Variants in JMJD1C observed in about 807,000 individuals in gnomAD.
JMJD1C encodes jumonji domain containing 1C.
A neutral mutation model predicts 245.3 loss-of-function variants in JMJD1C; 31 were observed. That is an observed-to-expected ratio of 0.13 (90% CI 0.09 to 0.17). The LOEUF (loss-of-function observed/expected upper bound fraction) is 0.17. Among genes scored for constraint, JMJD1C ranks in the 10% least tolerant of loss-of-function variants. The probability of loss-of-function intolerance (pLI) is 1.00; values close to 1 mark genes in which losing one functional copy is unlikely to be tolerated. For synonymous variants in JMJD1C, 1,057 were observed against 1,017.4 expected (o/e 1.04, Z -0.74); for missense variants, 2,691 against 3,000.2 (o/e 0.90, Z 2.41).
chr10:63,390,812 C>T (rs1011344000), intron 1 of JMJD1C, among the ~76,000 whole-genome samples: 2 of 152,082 alleles, frequency 1.3e-5, no homozygotes, highest in African/African-American at 4.8e-5. Context: ...ATAATAAAAA[C>T]TCTCAACATT....
chr10:63,296,937 G>T (rs557330035), intron 2 of JMJD1C, among the ~76,000 whole-genome samples: 156 of 152,150 alleles, frequency 1.0e-3, no homozygotes, highest in Non-Finnish European at 1.8e-3. Flanking sequence ...CATAAATCAG[G>T]TTACACATTT....
chr10:63,386,911 G>A lies in JMJD1C; in HGVS notation c.169-6429C>T, dbSNP rs562642664. 2.2e-3 allele frequency among the ~76,000 whole-genome samples: 328 copies of A among 152,284 alleles called. 4 individuals are homozygous for A. The highest frequency in any genetic ancestry group is 7.7e-3 in the African/African-American group (318 of 41,548). ...CTCTGGTGGCAGCATACGCCACACT[G>A]AAGCCCCAAAACAGACATGATCTTC... is the stretch of plus-strand genomic sequence containing the variant. On this transcript the variant is annotated intron_variant, in intron 1 of 25. Coordinates refer to ENST00000399262, the MANE Select transcript of JMJD1C (RefSeq NM_032776.3).
intron 3 of JMJD1C, among the ~76,000 whole-genome samples, chr10:63,256,799 T>C (rs994799418): frequency 6.6e-6 from 1 of 152,214 alleles, no homozygotes; most frequent in Non-Finnish European, 1.5e-5. Context: ...ACTGATTTTA[T>C]GTCAACAAGG....
intron 1 of JMJD1C, among the ~76,000 whole-genome samples, chr10:63,464,447 A>C (rs1953037514): frequency 6.6e-6 from 1 of 151,918 alleles, no homozygotes; most frequent in Non-Finnish European, 1.5e-5. Flanking sequence ...AGGGAAAAAA[A>C]TTTCCTAAAT....
intron 2 of JMJD1C, among the ~76,000 whole-genome samples, chr10:63,316,784 T>C (rs1431017140): frequency 1.3e-5 from 2 of 152,196 alleles, no homozygotes; most frequent in Admixed American, 6.5e-5. Flanking sequence ...TGTGGTATTC[T>C]GCTACATGCA....
At chr10:63,469,038 A>T (rs1165472863), upstream of JMJD1C, among the ~76,000 whole-genome samples, 3 of 152,232 alleles carry the variant, frequency 2.0e-5, no homozygotes, top group Non-Finnish European at 4.4e-5. Flanking sequence ...TATTCACTGC[A>T]ATAAGAACCA....
At chr10:63,347,000 T>C (rs1447929166) in intron 2 of JMJD1C, among the ~76,000 whole-genome samples, 1 of 151,954 alleles carries the variant, frequency 6.6e-6, no homozygotes, top group Middle Eastern at 3.2e-3. Context: ...AAAAGTAAAG[T>C]TGGCCCCTCA....
In JMJD1C at chr10:63,208,426, C is replaced by T; in HGVS notation, c.3243G>A (p.Lys1081=). 8 of 1,613,868 alleles carry T rather than the reference C, an allele frequency of 5.0e-6. No individual in the cohort carries two copies. Among genetic ancestry groups the T allele is most frequent in the Non-Finnish European group, 6.8e-6 (8 of 1,179,924 alleles). ...ERSVSDLYKM[K]HSVPQSLPQS... ...GGGGTAAACTCTGAGGCACTGAGTGCTTCATTTTATAAAGATCTGATACTG... is the reference window on the plus strand; with the variant it reads ...GGGGTAAACTCTGAGGCACTGAGTGTTTCATTTTATAAAGATCTGATACTG... The change falls in exon 10 of 26, where the codon AAG becomes AAA. Residue 1081 remains lysine, a synonymous_variant. Transcript: ENST00000399262.
intron 5 of JMJD1C, among the ~76,000 whole-genome samples, chr10:63,216,078 A>G (rs993641076): frequency 3.3e-5 from 5 of 152,218 alleles, no homozygotes; most frequent in African/African-American, 4.8e-5. Flanking sequence ...GAAAAAGACA[A>G]AAATTGTGCA....
intron 1 of JMJD1C, among the ~76,000 whole-genome samples, chr10:63,454,144 CT>C (rs1196187587): frequency 6.6e-6 from 1 of 152,132 alleles, no homozygotes; most frequent in Non-Finnish European, 1.5e-5. Context: ...CACATCTACA[CT>C]TTTTGCAATG....
intron 3 of JMJD1C, among the ~76,000 whole-genome samples, chr10:63,226,042 A>G (rs1361195258): frequency 1.3e-5 from 2 of 149,894 alleles, no homozygotes; most frequent in East Asian, 4.0e-4. Context: ...AAGAAATGAA[A>G]GTTTACTATT....
chr10:63,363,397 T>C (rs1175260858), intron 2 of JMJD1C, among the ~76,000 whole-genome samples: 2 of 151,882 alleles, frequency 1.3e-5, no homozygotes, highest in Non-Finnish European at 2.9e-5. Flanking sequence ...TAGCTGGGAT[T>C]AGAGATGCAT....
intron 1 of JMJD1C, among the ~76,000 whole-genome samples, chr10:63,462,890 T>C (rs1365753495): frequency 1.3e-5 from 2 of 152,176 alleles, no homozygotes; most frequent in African/African-American, 2.4e-5. Context: ...TAAACAATTA[T>C]AGAAATTTAA....
At chr10:63,520,970 C>T (rs1367814604) in intron 1 of JMJD1C, among the ~76,000 whole-genome samples, 2 of 152,214 alleles carry the variant, frequency 1.3e-5, no homozygotes, top group Non-Finnish European at 2.9e-5. Flanking sequence ...GCCAGGCACA[C>T]CTCAAAGTCT....
intron 1 of JMJD1C, among the ~76,000 whole-genome samples, chr10:63,422,957 CTT>C (rs34111309): frequency 2.0e-5 from 3 of 147,022 alleles, no homozygotes; most frequent in Non-Finnish European, 3.0e-5. Flanking sequence ...GTTACCAAAA[CTT>C]TTTTTTTTTC....
chr10:63,377,094 AAAGG>A (rs780285571), intron 2 of JMJD1C, among the ~76,000 whole-genome samples: 1 of 152,226 alleles, frequency 6.6e-6, no homozygotes, highest in African/African-American at 2.4e-5. Context: ...TTTGCAATAA[AAAGG>A]AAGAAAATTG....
chr10:63,377,080 T>C (rs1946801168), intron 2 of JMJD1C, among the ~76,000 whole-genome samples: 1 of 152,224 alleles, frequency 6.6e-6, no homozygotes, highest in African/African-American at 2.4e-5. Flanking sequence ...CAATGGAATG[T>C]TATTTTGCAA....
intron 1 of JMJD1C, among the ~76,000 whole-genome samples, chr10:63,457,195 A>G (rs866190386): frequency 2.6e-5 from 4 of 152,180 alleles, no homozygotes; most frequent in Non-Finnish European, 5.9e-5. Flanking sequence ...AAGAATGGAG[A>G]CGGGAAAGCA....
chr10:63,167,247 G>A lies in JMJD1C; in HGVS notation c.*798C>T, dbSNP rs1332020236. On this transcript the variant is annotated 3_prime_UTR_variant, in exon 26 of 26. Coordinates refer to ENST00000399262, the MANE Select transcript of JMJD1C (RefSeq NM_032776.3). Reference sequence around the variant, plus strand: ...CAATTTTTGATAAAGTCCTTTTAATGGAAAATGTAAAACCCCTTTCAACTT... The same window carrying A: ...CAATTTTTGATAAAGTCCTTTTAATAGAAAATGTAAAACCCCTTTCAACTT... 1 of 152,424 alleles carries A rather than the reference G, an allele frequency of 6.6e-6. No homozygotes were observed. The highest frequency in any genetic ancestry group is 1.5e-5 in the Non-Finnish European group (1 of 68,008). The allele number at this position is 152,424 out of a possible 1,614,324, so 9.4% of individuals were successfully genotyped here.
Sources: allele counts gnomAD v4.1 joint callset (sites outside exome capture counted in the v4.1 genomes callset), GRCh38; gene constraint gnomAD v4.1.1; transcripts MANE v1.5; gene names NCBI Gene and HGNC (gene_info 2026-07-23, HGNC 2026-07-21).